LRBA: variants seen among roughly 807,000 people sequenced by gnomAD.
LRBA encodes lipopolysaccharide-responsive and beige-like anchor protein.
A neutral mutation model predicts 330.0 loss-of-function variants in LRBA; 176 were observed. The observed-to-expected ratio is 0.53, with a 90% CI of 0.47 to 0.60. The LOEUF (loss-of-function observed/expected upper bound fraction) is 0.60. Among genes scored for constraint, LRBA ranks in the 20% least tolerant of loss-of-function variants. LRBA has a pLI of 0.00. For synonymous variants in LRBA, 1,230 were observed against 1,193.0 expected (o/e 1.03, Z -0.64); for missense variants, 3,259 against 3,444.8 (o/e 0.95, Z 1.35).
At chr4:151,007,118 T>C (rs149284083) in intron 2 of LRBA, among the ~76,000 whole-genome samples, 3,146 of 152,330 alleles carry the variant, frequency 0.021, 48 homozygotes, top group South Asian at 0.045. Context: ...TGGAAAAGAA[T>C]TGAGTCCAGA....
chr4:150,688,575 C>A (rs765492738), intron 36 of LRBA, among the ~76,000 whole-genome samples: 6 of 152,100 alleles, frequency 3.9e-5, no homozygotes, highest in Admixed American at 6.6e-5. Flanking sequence ...GGCTAATTTC[C>A]AGAATCTACA....
At chr4:150,322,200 A>C (rs1732608877) in intron 49 of LRBA, among the ~76,000 whole-genome samples, 1 of 152,222 alleles carries the variant, frequency 6.6e-6, no homozygotes, top group African/African-American at 2.4e-5. Context: ...AGAGTAATTG[A>C]AAATGTTAAA....
intron 34 of LRBA, among the ~76,000 whole-genome samples, chr4:150,779,716 T>C (rs956769211): frequency 6.6e-6 from 1 of 152,172 alleles, no homozygotes; most frequent in Non-Finnish European, 1.5e-5. Flanking sequence ...TAAACTTATA[T>C]AAAATTCATT....
rs70941419 is a variant in LRBA at position 150,636,158 on chromosome 4, C to CTT, written c.5922-37029_5922-37028dup. Among the ~76,000 whole-genome samples, 667 of 112,974 alleles carry CTT rather than the reference C, an allele frequency of 5.9e-3. 4 individuals are homozygous for CTT. The highest frequency in any genetic ancestry group is 0.02 in the African/African-American group (625 of 30,658). The allele number at this position is 112,974 out of a possible 152,430, so 74.1% of individuals were successfully genotyped here. A position where few individuals can be genotyped will look rare whatever the true frequency, so the allele number is the denominator to read the frequency against. On this transcript the variant is annotated intron_variant, in intron 37 of 56. Coordinates refer to ENST00000651943, the MANE Select transcript of LRBA (RefSeq NM_001364905.1). The stretch of plus-strand genomic sequence containing the variant: ...ACTTGATGACATGGTACCTACCAAG[C>CTT]TTTTTTTTTTTTTTTTTTTTACGTG...
intron 36 of LRBA, among the ~76,000 whole-genome samples, chr4:150,699,879 G>T (rs1442686400): frequency 6.6e-6 from 1 of 152,082 alleles, no homozygotes; most frequent in Non-Finnish European, 1.5e-5. Flanking sequence ...ACATTAAAAA[G>T]AACTTGAATA....
At position 150,422,466 on chromosome 4, in the gene LRBA, A is replaced by T. The variant is rs114383102; in HGVS notation, c.7042-6876T>A. 7.5e-4 allele frequency among the ~76,000 whole-genome samples: 114 copies of T among 152,216 alleles called. 1 individual carries two copies. Among genetic ancestry groups the T allele is most frequent in the African/African-American group, 2.7e-3 (110 of 41,506 alleles). ...AAAAGGAAGAACAACAACAACAAAA[A>T]ATCTAACCCTATGAAAACTCTGCCT... On this transcript the variant is annotated intron_variant, in intron 46 of 56. Coordinates refer to ENST00000651943, the MANE Select transcript of LRBA (RefSeq NM_001364905.1).
At chr4:150,874,980 A>G (rs1041105715) in intron 17 of LRBA, among the ~76,000 whole-genome samples, 7 of 152,196 alleles carry the variant, frequency 4.6e-5, no homozygotes, top group Non-Finnish European at 1.5e-5. Context: ...CCAGGCATTC[A>G]GAGCAGCTGC....
rs1254300098 is a variant in LRBA, at chr4:150,579,861, C to A, written c.6330+8187G>T. The stretch of plus-strand genomic sequence containing the variant: ...CGGGCCGGGCCATTCGCGAACCAGA[C>A]GCAACGACGAAGCGACCACCTCGAG... On this transcript the variant is annotated intron_variant, in intron 40 of 56. Coordinates refer to ENST00000651943, the MANE Select transcript of LRBA (RefSeq NM_001364905.1). The A allele has an allele frequency of 1.3e-5, 5 of 376,834 alleles. No individual in the cohort carries two copies. The Admixed American group carries it at 1.5e-4, about 11-fold the overall frequency. The allele number at this position is 376,834 out of a possible 1,614,324, so 23.3% of individuals were successfully genotyped here.
chr4:150,442,179 ACCC>A (rs1751930420), intron 44 of LRBA, among the ~76,000 whole-genome samples: 1 of 152,044 alleles, frequency 6.6e-6, no homozygotes, highest in Non-Finnish European at 1.5e-5. Flanking sequence ...CTCTTTTAAA[ACCC>A]AAAAGTCTCA....
intron 13 of LRBA, among the ~76,000 whole-genome samples, chr4:150,905,256 A>G (rs1317634290): frequency 1.3e-5 from 2 of 152,194 alleles, no homozygotes; most frequent in Non-Finnish European, 1.5e-5. Flanking sequence ...TAAAATGATT[A>G]CGAGACTAGT....
intron 42 of LRBA, among the ~76,000 whole-genome samples, chr4:150,478,359 G>A (rs921932253): frequency 1.3e-5 from 2 of 152,128 alleles, no homozygotes; most frequent in Admixed American, 6.5e-5. Context: ...CATGGGGATG[G>A]AAGGATGTTT....
intron 25 of LRBA, 66 bp from the exon 26 acceptor site, chr4:150,849,064 T>A: frequency 9.2e-7 from 1 of 1,088,180 alleles, no homozygotes; most frequent in Non-Finnish European, 1.3e-6. Flanking sequence ...CCAGATATAG[T>A]CCTAAAATTT....
intron 36 of LRBA, among the ~76,000 whole-genome samples, chr4:150,685,403 TATATATATATATATA>T (rs1281988106): frequency 3.8e-4 from 6 of 15,740 alleles, no homozygotes; most frequent in African/African-American, 1.3e-3. Context: ...TATATATATA[TATATATATATATATA>T]TATTTTTTTT....
chr4:150,725,856 G>A (rs1480599014), intron 36 of LRBA, among the ~76,000 whole-genome samples: 1 of 152,154 alleles, frequency 6.6e-6, no homozygotes, highest in Non-Finnish European at 1.5e-5. Context: ...ACAGCATAGA[G>A]TTTTTATTAG....
chr4:150,623,677 T>C (rs890744068), intron 37 of LRBA, among the ~76,000 whole-genome samples: 1 of 152,164 alleles, frequency 6.6e-6, no homozygotes, highest in Non-Finnish European at 1.5e-5. Context: ...CACATAATAA[T>C]TGAATATTTT....
chr4:150,420,479 AATATAT>A (rs369589932), intron 46 of LRBA, among the ~76,000 whole-genome samples: 5 of 65,696 alleles, frequency 7.6e-5, no homozygotes, highest in Admixed American at 2.1e-4. Flanking sequence ...TACACATTAT[AATATAT>A]ATAAAGTATA....
intron 49 of LRBA, among the ~76,000 whole-genome samples, chr4:150,323,242 G>A (rs1214901458): frequency 1.3e-5 from 2 of 151,854 alleles, no homozygotes; most frequent in Admixed American, 1.3e-4. Context: ...AGAAGTCCTG[G>A]GAAAAGGAAA....
At chr4:150,846,913 C>T (rs1299352776) in intron 26 of LRBA, among the ~76,000 whole-genome samples, 1 of 152,098 alleles carries the variant, frequency 6.6e-6, no homozygotes, top group Non-Finnish European at 1.5e-5. Context: ...TAGAGTATTT[C>T]CCTAGCCTCT....
intron 40 of LRBA, among the ~76,000 whole-genome samples, chr4:150,558,200 C>G (rs1469324812): frequency 6.6e-6 from 1 of 151,982 alleles, no homozygotes. Context: ...CGCCCGGCCC[C>G]ATATTGCACT....
Sources: gnomAD v4.1 joint callset for allele counts (sites outside exome capture counted in the v4.1 genomes callset) on GRCh38, gnomAD v4.1.1 for gene constraint, MANE v1.5 for transcripts, NCBI Gene and HGNC (gene_info 2026-07-23, HGNC 2026-07-21) for gene names.